Variants in DCAF15 observed in about 807,000 individuals in gnomAD.
The protein encoded by DCAF15 is DDB1- and CUL4-associated factor 15.
DCAF15 carries 24 observed loss-of-function variants against 68.0 expected under a neutral mutation model. The observed-to-expected ratio is 0.35, with a 90% CI of 0.26 to 0.50. The LOEUF is 0.50. DCAF15 is among the 20% of genes least tolerant of loss of function. The probability of loss-of-function intolerance (pLI) is 0.98; values close to 1 mark genes in which losing one functional copy is unlikely to be tolerated. For missense variants in DCAF15, 627 were observed against 830.6 expected, an observed-to-expected ratio of 0.75 and a Z score of 3.01; for synonymous variants, 376 against 341.6, an observed-to-expected ratio of 1.10 and a Z score of -1.11.
rs765040115 is a variant in DCAF15, at chr19:13,959,972, C to T, written c.1441-12C>T. 4.5e-5 allele frequency: 72 copies of T among 1,613,660 alleles called. No homozygotes were observed. The highest frequency in any genetic ancestry group is 5.8e-5 in the Non-Finnish European group (69 of 1,179,868). On this transcript the variant is annotated splice_polypyrimidine_tract_variant and intron_variant, in intron 9 of 12. Transcript: ENST00000254337. ...GCCCTCAACAGTTGGCATCATCCAC[C>T]CCCACCCCCAGGTCTGCCCAGAAAC...
chr19:13,956,359 G>A lies in DCAF15; in HGVS notation c.621G>A (p.Pro207=), dbSNP rs118005906. 32,696 of 1,613,686 alleles carry A rather than the reference G, an allele frequency of 0.02. 390 individuals are homozygous for A. Among genetic ancestry groups the A allele is most frequent in the Non-Finnish European group, 0.024 (28,044 of 1,179,978 alleles). The part of the protein sequence containing the change: ...QDASRAHPGD[P]NAQCLRHGFM... ...TGGCGTGTGTTGCTACAGGAGACCC[G>A]AATGCACAGTGCCTACGGCATGGCT... The change falls in exon 6 of 13, where the codon CCG becomes CCA. Residue 207 remains proline, a synonymous_variant. Transcript: ENST00000254337.
Position 13,960,363 on chromosome 19 carries a change from G to A in DCAF15, c.1603G>A (p.Asp535Asn), listed in dbSNP as rs1370497879. 16 of 1,613,848 alleles carry A rather than the reference G, an allele frequency of 9.9e-6. No individual in the cohort carries two copies. The highest frequency in any genetic ancestry group is 2.2e-5 in the South Asian group (2 of 91,074). The change falls in exon 11 of 13, where the codon GAC becomes AAC. Residue 535 changes from aspartate (D) to asparagine (N), a missense_variant. Asp to Asn is a conservative substitution (Grantham distance 23, BLOSUM62 1). Coordinates refer to ENST00000254337, the MANE Select transcript of DCAF15 (RefSeq NM_138353.4). ...TGIFETVSVG[D>N]LTEVKGQTSG... Reference sequence around the variant, plus strand: ...GATCTTCGAGACAGTCAGTGTAGGCGACCTGACTGAGGTCAAAGGGCAGAC... The same window carrying A: ...GATCTTCGAGACAGTCAGTGTAGGCAACCTGACTGAGGTCAAAGGGCAGAC...
In DCAF15 at chr19:13,960,176, G is replaced by A. The variant is rs1973555630; in HGVS notation, c.1526+107G>A. ...AAGGCTCTCCCTGTGCCACAACCTG[G>A]CTGGGCCCCTCCATAGCTGTTCCAA... On this transcript the variant is annotated intron_variant, in intron 10 of 12. Transcript: ENST00000254337. 1.9e-6 allele frequency: 3 copies of A among 1,568,890 alleles called. No homozygotes were observed. The African/African-American group carries it at 4.1e-5, about 21-fold the overall frequency.
chr19:13,958,985 A>C (rs1257381856), intron 6 of DCAF15, 60 bp from the exon 7 acceptor site: 1 of 1,523,846 alleles, frequency 6.6e-7, no homozygotes, highest in African/African-American at 1.4e-5. Context: ...ACCCCTGGGG[A>C]CACTGAGCGA....
Position 13,952,533 on chromosome 19 carries a change from G to A in DCAF15, c.21G>A (p.Ser7=), listed in dbSNP as rs973965549. 1.6e-6 allele frequency: 2 copies of A among 1,250,352 alleles called. No homozygotes were observed. The highest frequency in any genetic ancestry group is 2.0e-6 in the Non-Finnish European group (2 of 990,556). The allele number at this position is 1,250,352 out of a possible 1,614,324, so 77.5% of individuals were successfully genotyped here. MAPSSK[S]ERNSGAGSGG... is the part of the protein sequence containing the mutation. ...TGAAAATGGCGCCCAGCTCGAAATC[G>A]GAGCGGAACAGCGGGGCTGGGAGCG... Residue 7 remains serine (S), a synonymous_variant, in exon 1 of 13, where the codon TCG becomes TCA. Coordinates refer to ENST00000254337, the MANE Select transcript of DCAF15 (RefSeq NM_138353.4).
At chr19:13,955,680 A>G (rs895156623) in intron 3 of DCAF15, among the ~76,000 whole-genome samples, 1 of 152,072 alleles carries the variant, frequency 6.6e-6, no homozygotes, top group Non-Finnish European at 1.5e-5. Flanking sequence ...TGCCTGGCGC[A>G]GTCTCCCCCG....
chr19:13,960,349 C>G lies in DCAF15; in HGVS notation c.1589C>G (p.Thr530Arg). Residue 530 changes from threonine (T) to arginine (R), a missense_variant, in exon 11 of 13, where the codon ACA (threonine) becomes AGA (arginine). By Grantham distance (71) the Thr-to-Arg change is moderately conservative. Transcript: ENST00000254337. ...GACCTCAACACAGGGATCTTCGAGA[C>G]AGTCAGTGTAGGCGACCTGACTGAG... ...AWDLNTGIFE[T>R]VSVGDLTEVK... is the part of the protein sequence containing the mutation. 1 of 1,614,098 alleles carries G rather than the reference C, an allele frequency of 6.2e-7. No individual in the cohort carries two copies. The highest frequency in any genetic ancestry group is 8.5e-7 in the Non-Finnish European group (1 of 1,180,026).
Position 13,960,001 on chromosome 19 carries a change from C to T in DCAF15, c.1458C>T (p.Asn486=). The change falls in exon 10 of 13, where the codon AAC becomes AAT. Residue 486 remains asparagine (N), a synonymous_variant. Transcript: ENST00000254337. ...IVILEVCPET[N]QVLINIGLLL... is the part of the protein sequence containing the mutation. ...ACCCCCAGGTCTGCCCAGAAACCAA[C>T]CAGGTCCTCATCAACATTGGCCTGC... 1 of 1,612,672 alleles carries T rather than the reference C, an allele frequency of 6.2e-7. No homozygotes were observed. The highest frequency in any genetic ancestry group is 8.5e-7 in the Non-Finnish European group (1 of 1,179,930).
rs1973513458 is a variant in DCAF15 at position 13,959,586 on chromosome 19, G to A, written c.1224G>A (p.Leu408=). ...CCCCACTTCCTGCCTCCCCAGAGTT[G>A]GAGGACGACAAGATCTCCCTGCCCT... ...SGEGTEPEDE[L]EDDKISLPFV... The change falls in exon 8 of 13, where the codon TTG becomes TTA. Residue 408 remains leucine (L), a synonymous_variant. Transcript: ENST00000254337. The A allele has an allele frequency of 3.1e-6, 5 of 1,602,606 alleles. No homozygotes were observed. The highest frequency in any genetic ancestry group is 1.3e-5 in the African/African-American group (1 of 74,526).
chr19:13,954,683 G>C, intron 3 of DCAF15, 22 bp downstream of exon 3: 1 of 1,613,326 alleles, frequency 6.2e-7, no homozygotes, highest in Non-Finnish European at 8.5e-7. Flanking sequence ...TCAACACCAG[G>C]CTGGCCCTTC....
At chr19:13,960,090 C>G (rs368322847) in intron 10 of DCAF15, 21 bp downstream of exon 10, 25 of 1,612,498 alleles carry the variant, frequency 1.6e-5, no homozygotes, top group Non-Finnish European at 2.1e-5. Flanking sequence ...GGATCCTGCC[C>G]TCTCTGTCCA....
At position 13,956,138 on chromosome 19, in the gene DCAF15, C is replaced by G. The variant is rs147809208; in HGVS notation, c.489C>G (p.Asn163Lys). 2 of 1,609,438 alleles carry G rather than the reference C, an allele frequency of 1.2e-6. No homozygotes were observed. Among genetic ancestry groups the G allele is most frequent in the Non-Finnish European group, 1.7e-6 (2 of 1,178,496 alleles). Reference sequence around the variant, plus strand: ...TGGCCCCCAGCACCCGCTCGGCCAACGGGATGCTCATGAACATGATGATGA... The same window carrying G: ...TGGCCCCCAGCACCCGCTCGGCCAAGGGGATGCTCATGAACATGATGATGA... ...IVFGFNTRSA[N>K]GMLMNMMMMS... Residue 163 changes from asparagine to lysine, a missense_variant, in exon 5 of 13, where the codon AAC (asparagine) becomes AAG (lysine). Asn to Lys is a moderately conservative substitution (Grantham distance 94, BLOSUM62 0). Coordinates refer to ENST00000254337, the MANE Select transcript of DCAF15 (RefSeq NM_138353.4).
At position 13,960,401 on chromosome 19, in the gene DCAF15, G is replaced by A; in HGVS notation, c.1631+10G>A. ...TCAAAGGGCAGACCAGGTGAGGCAG[G>A]GCTGGGGGGCAGGGTCAGGGCGCGG... On this transcript the variant is annotated intron_variant, in intron 11 of 12. Transcript: ENST00000254337. The A allele has an allele frequency of 6.2e-7, 1 of 1,613,688 alleles. No homozygotes were observed. Among genetic ancestry groups the A allele is most frequent in the South Asian group, 1.1e-5 (1 of 91,080 alleles).
intron 12 of DCAF15, 59 bp downstream of exon 12, chr19:13,960,639 G>T (rs1304254079): frequency 6.8e-6 from 10 of 1,463,108 alleles, no homozygotes; most frequent in Non-Finnish European, 9.3e-6. Context: ...CCTCACCCAG[G>T]AGCTGATTCC....
chr19:13,957,238 G>A (rs1973401478), intron 6 of DCAF15, among the ~76,000 whole-genome samples: 1 of 152,244 alleles, frequency 6.6e-6, no homozygotes, highest in African/African-American at 2.4e-5. Flanking sequence ...ATCACAAGAT[G>A]TCCCTTGACA....
At chr19:13,960,647 T>G in intron 12 of DCAF15, 67 bp downstream of exon 12, 1 of 1,416,568 alleles carries the variant, frequency 7.1e-7, no homozygotes, top group Non-Finnish European at 9.6e-7. Flanking sequence ...AGGAGCTGAT[T>G]CCTGAGCGCT....
At position 13,959,122 on chromosome 19, in the gene DCAF15, A is replaced by G. The variant is rs565439593; in HGVS notation, c.862A>G (p.Ser288Gly). 3.7e-6 allele frequency: 6 copies of G among 1,612,354 alleles called. No individual in the cohort carries two copies. The East Asian group carries it at 8.9e-5, about 24-fold the overall frequency. ...LAPASPPEPQ[S>G]PELPPALPSF... Reference sequence around the variant, plus strand: ...GCCTGCCAGCCCCCCTGAGCCCCAGAGCCCAGAGCTGCCCCCTGCCCTCCC... The same window carrying G: ...GCCTGCCAGCCCCCCTGAGCCCCAGGGCCCAGAGCTGCCCCCTGCCCTCCC... The change falls in exon 7 of 13, where the codon AGC (serine) becomes GGC (glycine). Residue 288 changes from serine (S) to glycine (G), a missense_variant. Ser to Gly is a moderately conservative substitution (Grantham distance 56). Around this residue, in one of 3 missense-constraint regions of DCAF15, gnomAD observed 236 missense variants for 225.1 expected, o/e 1.05. Transcript: ENST00000254337.
In DCAF15 at chr19:13,959,289, G is replaced by C; in HGVS notation, c.1029G>C (p.Arg343=). Reference sequence around the variant, plus strand: ...AGGGCGGGGTCCCTGAGGAAGCCCGGCCTGCCCTGTGCCCAGGACCCTCTG... The same window carrying C: ...AGGGCGGGGTCCCTGAGGAAGCCCGCCCTGCCCTGTGCCCAGGACCCTCTG... ...EAKGGVPEEA[R]PALCPGPSGS... Residue 343 remains arginine (R), a synonymous_variant, in exon 7 of 13, where the codon CGG becomes CGC. Coordinates refer to ENST00000254337, the MANE Select transcript of DCAF15 (RefSeq NM_138353.4). 1 of 1,609,978 alleles carries C rather than the reference G, an allele frequency of 6.2e-7. No homozygotes were observed. Among genetic ancestry groups the C allele is most frequent in the Non-Finnish European group, 8.5e-7 (1 of 1,179,786 alleles).
chr19:13,960,702 C>A, intron 12 of DCAF15, 122 bp downstream of exon 12: 1 of 1,095,284 alleles, frequency 9.1e-7, no homozygotes. Context: ...CAGCCCAGGC[C>A]AGGCCCAGCT....
Sources: allele counts gnomAD v4.1 joint callset (sites outside exome capture counted in the v4.1 genomes callset), GRCh38; gene constraint gnomAD v4.1.1; regional missense constraint gnomAD v4.1.1; transcripts MANE v1.5; gene names NCBI Gene and HGNC (gene_info 2026-07-23, HGNC 2026-07-21).